AFF3: variants seen among roughly 807,000 people sequenced by gnomAD.
AFF3 encodes the protein ALF transcription elongation factor 3, also known as AF4/FMR2 family member 3.
AFF3 carries 32 observed loss-of-function variants against 129.7 expected under a neutral mutation model. That is an observed-to-expected ratio of 0.25 (90% confidence interval 0.19 to 0.33). AFF3 has a LOEUF of 0.33. Ranked by LOEUF, AFF3 falls within the 10% of genes least tolerant of loss-of-function variation. AFF3 has a pLI of 1.00. For synonymous variants in AFF3, 644 were observed against 635.4 expected (o/e 1.01, Z -0.20); for missense variants, 1,373 against 1,592.0 (o/e 0.86, Z 2.34).
chr2:99,620,733 G>T lies in AFF3; in HGVS notation c.1185-19112C>A, dbSNP rs142603824. The stretch of plus-strand genomic sequence containing the variant: ...TTGTTGGAGGTGGGGCCTAGTGGGA[G>T]GTGTTTGGGTCACGGGGGAGGATTG... On this transcript the variant is annotated intron_variant, in intron 13 of 24. Transcript: ENST00000672756. Among the ~76,000 whole-genome samples, 1,026 of 152,320 alleles carry T rather than the reference G, an allele frequency of 6.7e-3. 6 individuals are homozygous for T. Among genetic ancestry groups the T allele is most frequent in the Middle Eastern group, 0.017 (5 of 294 alleles).
At chr2:99,705,372 A>G (rs566023421) in intron 11 of AFF3, among the ~76,000 whole-genome samples, 1 of 152,290 alleles carries the variant, frequency 6.6e-6, no homozygotes, top group East Asian at 1.9e-4. Context: ...GAAAACAACA[A>G]GAGAGGGGCT....
At chr2:99,991,566 T>G (rs1461924030) in intron 7 of AFF3, among the ~76,000 whole-genome samples, 1 of 152,078 alleles carries the variant, frequency 6.6e-6, no homozygotes, top group Non-Finnish European at 1.5e-5. Flanking sequence ...TATAAGGAGA[T>G]GAAGAAAAAG....
intron 4 of AFF3, among the ~76,000 whole-genome samples, chr2:100,058,242 C>T (rs1390790682): frequency 1.3e-5 from 2 of 152,050 alleles, no homozygotes; most frequent in African/African-American, 4.8e-5. Context: ...AAGCACTTGC[C>T]CAAGGGACAT....
intron 8 of AFF3, among the ~76,000 whole-genome samples, chr2:99,827,159 A>G (rs1688153623): frequency 6.6e-6 from 1 of 152,212 alleles, no homozygotes; most frequent in South Asian, 2.1e-4. Flanking sequence ...GGCAGGTGAC[A>G]GAAGTTCAGG....
At chr2:99,823,198 G>C (rs1159763981) in intron 8 of AFF3, among the ~76,000 whole-genome samples, 1 of 152,028 alleles carries the variant, frequency 6.6e-6, no homozygotes, top group African/African-American at 2.4e-5. Context: ...TTTAATAAGT[G>C]TTTACAAACA....
intron 7 of AFF3, among the ~76,000 whole-genome samples, chr2:99,931,742 C>T (rs1244585450): frequency 1.3e-5 from 2 of 152,164 alleles, no homozygotes; most frequent in African/African-American, 2.4e-5. Context: ...AACCCAGTCT[C>T]TACTGAAAAT....
chr2:99,936,250 A>G (rs1050158972), intron 7 of AFF3, among the ~76,000 whole-genome samples: 1 of 152,192 alleles, frequency 6.6e-6, no homozygotes, highest in African/African-American at 2.4e-5. Flanking sequence ...CTAATCCCCC[A>G]TCTGAGGCAC....
chr2:100,083,615 G>C (rs1689193994), intron 4 of AFF3, among the ~76,000 whole-genome samples: 1 of 152,226 alleles, frequency 6.6e-6, no homozygotes, highest in Non-Finnish European at 1.5e-5. Flanking sequence ...ATGGAAAACG[G>C]CTGCTGCCAG....
At chr2:99,766,402 A>G (rs1020483831) in intron 8 of AFF3, among the ~76,000 whole-genome samples, 1 of 152,244 alleles carries the variant, frequency 6.6e-6, no homozygotes, top group African/African-American at 2.4e-5. Flanking sequence ...CTAGGACAGC[A>G]GGGATGTCTC....
At chr2:99,779,244 T>C (rs1236486047) in intron 8 of AFF3, among the ~76,000 whole-genome samples, 2 of 152,232 alleles carry the variant, frequency 1.3e-5, no homozygotes, top group South Asian at 2.1e-4. Context: ...TGGATGGTTG[T>C]TGGGATTTTG....
intron 9 of AFF3, 27 bp downstream of exon 9, chr2:99,752,194 T>C (rs754040483): frequency 7.0e-6 from 11 of 1,579,546 alleles, no homozygotes; most frequent in African/African-American, 1.3e-5. Context: ...GTGAAACATA[T>C]TCCTCCTGAG....
chr2:99,972,357 G>C (rs904555983), intron 7 of AFF3, among the ~76,000 whole-genome samples: 1 of 152,220 alleles, frequency 6.6e-6, no homozygotes, highest in Non-Finnish European at 1.5e-5. Flanking sequence ...AGCTGCTACA[G>C]TTGGTCAACT....
At chr2:99,562,035 T>G (rs992219850) in intron 20 of AFF3, among the ~76,000 whole-genome samples, 1 of 152,234 alleles carries the variant, frequency 6.6e-6, no homozygotes, top group Non-Finnish European at 1.5e-5. Context: ...CCTGCTGTCA[T>G]TCGAATTGAT....
intron 18 of AFF3, among the ~76,000 whole-genome samples, chr2:99,576,979 C>T (rs964397411): frequency 1.3e-5 from 2 of 151,994 alleles, no homozygotes; most frequent in South Asian, 2.1e-4. Flanking sequence ...TGAGAGGAAG[C>T]GGGGTGGTGA....
Position 99,991,907 on chromosome 2 carries a change from A to C in AFF3, c.873+14725T>G, listed in dbSNP as rs556452916. On this transcript the variant is annotated intron_variant, in intron 7 of 24. Transcript: ENST00000672756. ...AACAGAGCAAGATTTTGTCTCAAAAACAAAAACAAAAACAAAAAAACCCAA... is the reference window on the plus strand; with the variant it reads ...AACAGAGCAAGATTTTGTCTCAAAACCAAAAACAAAAACAAAAAAACCCAA... 1.4e-3 allele frequency among the ~76,000 whole-genome samples: 206 copies of C among 151,462 alleles called. 2 individuals carry two copies. The highest frequency in any genetic ancestry group is 4.7e-3 in the African/African-American group (193 of 41,024).
At chr2:99,815,089 A>G (rs1318458544) in intron 8 of AFF3, among the ~76,000 whole-genome samples, 1 of 152,000 alleles carries the variant, frequency 6.6e-6, no homozygotes, top group Non-Finnish European at 1.5e-5. Context: ...AACAATGTCT[A>G]GAAACACCAT....
At chr2:99,560,292 C>T in intron 21 of AFF3, 73 bp downstream of exon 21, 1 of 1,505,806 alleles carries the variant, frequency 6.6e-7, no homozygotes, top group Non-Finnish European at 9.2e-7. Flanking sequence ...AACACTATGC[C>T]TTTCAGCACC....
chr2:100,010,645 C>T (rs770669710), intron 4 of AFF3, among the ~76,000 whole-genome samples: 2 of 152,180 alleles, frequency 1.3e-5, no homozygotes, highest in Admixed American at 6.5e-5. Flanking sequence ...AGGCTCACAG[C>T]GCTAACATCA....
At chr2:99,926,235 T>G (rs1212050538) in intron 7 of AFF3, among the ~76,000 whole-genome samples, 1 of 152,204 alleles carries the variant, frequency 6.6e-6, no homozygotes, top group African/African-American at 2.4e-5. Flanking sequence ...AGACTGCAAG[T>G]GCAAAGTGCA....
Sources: gnomAD v4.1 joint callset for allele counts (sites outside exome capture counted in the v4.1 genomes callset) on GRCh38, gnomAD v4.1.1 for gene constraint, MANE v1.5 for transcripts, NCBI Gene and HGNC (gene_info 2026-07-23, HGNC 2026-07-21) for gene names.